The following YAP1 variants were observed in gnomAD, a reference collection of about 807,000 sequenced individuals.
YAP1 encodes Yes1 associated transcriptional regulator.
YAP1 carries 5 observed loss-of-function variants against 56.9 expected under a neutral mutation model. The ratio of observed to expected loss-of-function variants is 0.09; its 90% CI spans 0.05 to 0.18. YAP1 has a LOEUF of 0.18. YAP1 is among the 10% of genes least tolerant of loss of function. The probability of loss-of-function intolerance (pLI) is 1.00; values close to 1 mark genes in which losing one functional copy is unlikely to be tolerated. For missense variants in YAP1, 539 were observed against 651.8 expected, an observed-to-expected ratio of 0.83 and a Z score of 1.88; for synonymous variants, 265 against 248.1, an observed-to-expected ratio of 1.07 and a Z score of -0.64.
At chr11:102,169,364 T>A (rs1399493395) in intron 3 of YAP1, among the ~76,000 whole-genome samples, 1 of 152,228 alleles carries the variant, frequency 6.6e-6, no homozygotes. Context: ...GAAGTTATGT[T>A]TATCTCTGTA....
chr11:102,193,601 T>C (rs530598326), intron 4 of YAP1, among the ~76,000 whole-genome samples: 4 of 152,330 alleles, frequency 2.6e-5, no homozygotes, highest in Admixed American at 2.0e-4. Flanking sequence ...AGGTAATTTC[T>C]ACTTGATCAG....
chr11:102,176,198 C>G (rs989010397), intron 3 of YAP1, among the ~76,000 whole-genome samples: 3 of 152,164 alleles, frequency 2.0e-5, no homozygotes, highest in Admixed American at 2.0e-4. Context: ...TTGTCCTGAG[C>G]AACCTTGCAA....
At chr11:102,183,224 G>A (rs547393035) in intron 3 of YAP1, among the ~76,000 whole-genome samples, 68 of 152,284 alleles carry the variant, frequency 4.5e-4, no homozygotes, top group African/African-American at 1.5e-3. Context: ...TAGGAGGTAG[G>A]GGATGCAGAG....
intron 1 of YAP1, among the ~76,000 whole-genome samples, chr11:102,111,550 C>T (rs1046968058): frequency 2.6e-5 from 4 of 151,292 alleles, no homozygotes; most frequent in Admixed American, 2.6e-4. Context: ...GGTGGGCTTG[C>T]ACAATGCGCG....
intron 2 of YAP1, among the ~76,000 whole-genome samples, chr11:102,149,977 CTTTTTTTTTTTT>C (rs386374692): frequency 4.6e-4 from 23 of 50,336 alleles, no homozygotes; most frequent in Non-Finnish European, 7.1e-4. Context: ...GAGTAGTGTG[CTTTTTTTTTTTT>C]TTTTTTTTTT....
At chr11:102,165,218 A>G (rs1412812595) in intron 3 of YAP1, among the ~76,000 whole-genome samples, 5 of 151,888 alleles carry the variant, frequency 3.3e-5, no homozygotes, top group Non-Finnish European at 4.4e-5. Context: ...ATAGTCTGTC[A>G]TGGTGGTGCA....
intron 2 of YAP1, among the ~76,000 whole-genome samples, chr11:102,141,896 A>G (rs759242562): frequency 6.6e-6 from 1 of 152,118 alleles, no homozygotes. Context: ...ATTCTGGAGC[A>G]TTGTTTTCCT....
At chr11:102,221,379 A>C (rs1200141822) in intron 6 of YAP1, among the ~76,000 whole-genome samples, 1 of 152,148 alleles carries the variant, frequency 6.6e-6, no homozygotes, top group South Asian at 2.1e-4. Flanking sequence ...CAGTTAAGAA[A>C]ATATTAAATA....
chr11:102,223,019 G>A (rs11608234), intron 6 of YAP1, among the ~76,000 whole-genome samples: 44,059 of 151,546 alleles, frequency 0.29, 6,743 homozygotes, highest in East Asian at 0.36. Flanking sequence ...GCCAAGGCGG[G>A]TGGATCACGA....
In YAP1 at chr11:102,141,941, C is replaced by T. The variant is rs538806047; in HGVS notation, c.573-20515C>T. ...AATTCGGGGATTGGAATATGTGATT[C>T]GTAAGAACTTTTGCAGCTCTAAAAT... is the stretch of plus-strand genomic sequence containing the variant. On this transcript the variant is annotated intron_variant, in intron 2 of 8. Transcript: ENST00000282441. 5.5e-4 allele frequency among the ~76,000 whole-genome samples: 83 copies of T among 152,240 alleles called. 1 individual carries two copies. The South Asian group carries it at 0.017, about 32-fold the overall frequency.
chr11:102,220,694 A>C (rs1949884423), intron 6 of YAP1, among the ~76,000 whole-genome samples: 1 of 152,198 alleles, frequency 6.6e-6, no homozygotes, highest in Non-Finnish European at 1.5e-5. Context: ...TAGAGTGGAC[A>C]TGAGTCTATG....
chr11:102,218,606 G>A (rs1257036463), intron 6 of YAP1, among the ~76,000 whole-genome samples: 2 of 152,124 alleles, frequency 1.3e-5, no homozygotes, highest in African/African-American at 2.4e-5. Flanking sequence ...AGTAAGTAAA[G>A]TGTCTTTTTT....
chr11:102,110,964 C>G lies in YAP1; in HGVS notation c.116C>G (p.Ala39Gly), dbSNP rs1555075323. 1 of 1,515,092 alleles carries G rather than the reference C, an allele frequency of 6.6e-7. No homozygotes were observed. Among genetic ancestry groups the G allele is most frequent in the South Asian group, 1.2e-5 (1 of 81,756 alleles). 93.9% of individuals were successfully genotyped at this position (1,515,092 alleles called of 1,614,324 possible). The change falls in exon 1 of 9, where the codon GCG (alanine) becomes GGG (glycine). Residue 39 changes from alanine (A) to glycine (G), a missense_variant. By Grantham distance (60) the Ala-to-Gly change is moderately conservative (BLOSUM62 0). Around this residue, in one of 4 missense-constraint regions of YAP1, gnomAD observed 106 missense variants for 86.6 expected, o/e 1.22. Coordinates refer to ENST00000282441, the MANE Select transcript of YAP1 (RefSeq NM_001130145.3). ...TCCGGACCCGGGCAACCGGCACCCG[C>G]GGCGACCCAGGCGGCGCCGCAGGCA... Reference protein sequence around the residue: ...PPSGPGQPAPAATQAAPQAPP... With the variant: ...PPSGPGQPAPGATQAAPQAPP...
intron 4 of YAP1, among the ~76,000 whole-genome samples, chr11:102,197,048 T>C (rs371973995): frequency 6.6e-5 from 10 of 152,306 alleles, no homozygotes; most frequent in East Asian, 5.8e-4. Flanking sequence ...AGTGAGTGTT[T>C]TGTGTTTTGT....
intron 2 of YAP1, among the ~76,000 whole-genome samples, chr11:102,129,795 CTTTTT>C (rs773044206): frequency 2.0e-5 from 2 of 102,088 alleles, no homozygotes; most frequent in African/African-American, 3.8e-5. Context: ...GGAAGCAAAA[CTTTTT>C]TTTTTTTTTT....
chr11:102,153,331 C>A (rs1032482571), intron 2 of YAP1, among the ~76,000 whole-genome samples: 1 of 152,146 alleles, frequency 6.6e-6, no homozygotes, highest in East Asian at 1.9e-4. Context: ...AAAGTCACTG[C>A]GCACTCTTCC....
intron 4 of YAP1, among the ~76,000 whole-genome samples, chr11:102,202,621 C>G (rs1565263969): frequency 1.3e-5 from 2 of 151,830 alleles, no homozygotes; most frequent in Non-Finnish European, 2.9e-5. Flanking sequence ...TCAGAGTAAC[C>G]AAATACTTAA....
intron 4 of YAP1, among the ~76,000 whole-genome samples, chr11:102,197,092 A>G (rs569721244): frequency 6.6e-6 from 1 of 152,198 alleles, no homozygotes; most frequent in South Asian, 2.1e-4. Flanking sequence ...ATGGCCTATT[A>G]GTTTGTGTTT....
At chr11:102,207,088 A>C (rs1051181681) in intron 5 of YAP1, among the ~76,000 whole-genome samples, 4 of 152,136 alleles carry the variant, frequency 2.6e-5, no homozygotes, top group Non-Finnish European at 4.4e-5. Flanking sequence ...CTAAGTTCAG[A>C]TATTGGAGAT....
Sources: gnomAD v4.1 joint callset for allele counts (sites outside exome capture counted in the v4.1 genomes callset) on GRCh38, gnomAD v4.1.1 for gene constraint, gnomAD v4.1.1 regional missense constraint, MANE v1.5 for transcripts, NCBI Gene and HGNC (gene_info 2026-07-23, HGNC 2026-07-21) for gene names.